CHCHD3: variants seen among roughly 807,000 people sequenced by gnomAD.
CHCHD3 encodes the protein MICOS complex subunit MIC19.
Under a neutral mutation model 38.2 loss-of-function variants are expected in CHCHD3, and 20 were observed. That is an observed-to-expected ratio of 0.52 (90% CI 0.37 to 0.76). CHCHD3 has a LOEUF of 0.76. Among genes scored for constraint, CHCHD3 ranks in the 30% least tolerant of loss-of-function variants. The pLI is 0.00. For missense variants in CHCHD3, 245 were observed against 279.2 expected, an observed-to-expected ratio of 0.88 and a Z score of 0.87; for synonymous variants, 82 against 100.0, an observed-to-expected ratio of 0.82 and a Z score of 1.07.
chr7:132,913,373 C>A (rs1004554147), intron 4 of CHCHD3, among the ~76,000 whole-genome samples: 1 of 152,064 alleles, frequency 6.6e-6, no homozygotes, highest in East Asian at 1.9e-4. Flanking sequence ...GGAAATTATG[C>A]CTCTGGAGTC....
chr7:132,982,847 T>C (rs1240240092), intron 3 of CHCHD3, among the ~76,000 whole-genome samples: 1 of 152,138 alleles, frequency 6.6e-6, no homozygotes, highest in Non-Finnish European at 1.5e-5. Flanking sequence ...GTGCATTTTT[T>C]TTTCAATAAA....
intron 2 of CHCHD3, among the ~76,000 whole-genome samples, chr7:133,061,745 A>G (rs1276199626): frequency 1.3e-5 from 2 of 152,226 alleles, no homozygotes; most frequent in South Asian, 2.1e-4. Context: ...ATTAAAACCC[A>G]TATTTCAATC....
chr7:133,067,299 T>A (rs759145629), intron 2 of CHCHD3, among the ~76,000 whole-genome samples: 3 of 152,232 alleles, frequency 2.0e-5, no homozygotes, highest in Non-Finnish European at 4.4e-5. Flanking sequence ...CAACAAATCA[T>A]ACTTTAGAAC....
At chr7:132,880,185 T>C (rs1809017303) in intron 5 of CHCHD3, among the ~76,000 whole-genome samples, 1 of 152,208 alleles carries the variant, frequency 6.6e-6, no homozygotes, top group Admixed American at 6.5e-5. Flanking sequence ...AAGTTGGTAC[T>C]AGACAGCAGC....
At chr7:133,034,382 AATATT>A (rs1813588878) in intron 2 of CHCHD3, among the ~76,000 whole-genome samples, 1 of 152,212 alleles carries the variant, frequency 6.6e-6, no homozygotes, top group South Asian at 2.1e-4. Context: ...TAAAGCATAT[AATATT>A]AAACTATCTA....
intron 3 of CHCHD3, among the ~76,000 whole-genome samples, chr7:133,011,448 A>T (rs757398898): frequency 1.3e-5 from 2 of 152,230 alleles, no homozygotes; most frequent in Non-Finnish European, 2.9e-5. Flanking sequence ...CCTCGGAGCT[A>T]TATCAACATT....
chr7:133,048,679 C>A lies in CHCHD3; in HGVS notation c.169+21463G>T, dbSNP rs576053528. ...AAGGGTAAGTGTAGGAAACTCCCCC[C>A]TAAAACAATTGAAAACCTCTCAGAT... On this transcript the variant is annotated intron_variant, in intron 2 of 7. Transcript: ENST00000262570. 5.3e-5 allele frequency among the ~76,000 whole-genome samples: 8 copies of A among 152,240 alleles called. 1 individual carries two copies. In the South Asian group the frequency reaches 1.7e-3, roughly 32 times the overall value.
chr7:132,886,911 C>G, intron 4 of CHCHD3: 2 of 1,072,112 alleles, frequency 1.9e-6, no homozygotes, highest in Non-Finnish European at 2.4e-6. Context: ...CCTGTCTACT[C>G]AACTATCTGC....
intron 4 of CHCHD3, among the ~76,000 whole-genome samples, chr7:132,934,121 A>ACTCAAACTT (rs1285781918): frequency 2.0e-5 from 3 of 152,128 alleles, no homozygotes; most frequent in Non-Finnish European, 4.4e-5. Flanking sequence ...GAGAACCACT[A>ACTCAAACTT]CTCAAACTTC....
chr7:132,950,239 C>T (rs1811005505), intron 4 of CHCHD3, among the ~76,000 whole-genome samples: 1 of 152,008 alleles, frequency 6.6e-6, no homozygotes, highest in African/African-American at 2.4e-5. Context: ...GTGACGGGAT[C>T]GACTACATGC....
At chr7:132,855,101 C>T (rs1383150317) in intron 5 of CHCHD3, among the ~76,000 whole-genome samples, 1 of 152,176 alleles carries the variant, frequency 6.6e-6, no homozygotes, top group African/African-American at 2.4e-5. Flanking sequence ...TGCTGGTGTT[C>T]CATAAGATAT....
chr7:133,006,596 A>G (rs1043767415), intron 3 of CHCHD3, among the ~76,000 whole-genome samples: 2 of 152,184 alleles, frequency 1.3e-5, no homozygotes, highest in Admixed American at 6.5e-5. Flanking sequence ...CTATGTTCCC[A>G]AAGTTTGCAA....
chr7:132,855,865 T>C (rs1042353569), intron 5 of CHCHD3, among the ~76,000 whole-genome samples: 3 of 16,176 alleles, frequency 1.9e-4, no homozygotes, highest in African/African-American at 6.7e-4. Flanking sequence ...CATATTTGTT[T>C]AAAAAAAAAA....
At chr7:132,925,409 T>C (rs1810350259) in intron 4 of CHCHD3, among the ~76,000 whole-genome samples, 1 of 152,186 alleles carries the variant, frequency 6.6e-6, no homozygotes, top group South Asian at 2.1e-4. Flanking sequence ...ACTACCACTT[T>C]CCAGCAAAGT....
intron 3 of CHCHD3, among the ~76,000 whole-genome samples, chr7:133,007,448 ATAAGC>A (rs1239514039): frequency 2.0e-5 from 3 of 152,186 alleles, no homozygotes; most frequent in African/African-American, 7.2e-5. Flanking sequence ...ACCTTTACTT[ATAAGC>A]TAGCTTTTCT....
intron 2 of CHCHD3, among the ~76,000 whole-genome samples, chr7:133,065,872 T>C (rs913466761): frequency 3.9e-5 from 6 of 152,198 alleles, no homozygotes; most frequent in South Asian, 2.1e-4. Flanking sequence ...CAAAATAGCA[T>C]GCCAAATTTT....
At chr7:133,014,671 TAA>T (rs34497795) in intron 3 of CHCHD3, among the ~76,000 whole-genome samples, 4 of 147,450 alleles carry the variant, frequency 2.7e-5, no homozygotes, top group African/African-American at 1.0e-4. Flanking sequence ...TCTTCCATTT[TAA>T]AAAAAAAAAA....
chr7:132,870,299 G>A (rs1562891080), intron 5 of CHCHD3, among the ~76,000 whole-genome samples: 1 of 144,408 alleles, frequency 6.9e-6, no homozygotes, highest in Non-Finnish European at 1.5e-5. Context: ...GCGGTGAACA[G>A]AGATCACGCC....
chr7:133,016,592 C>T (rs1813035999), intron 3 of CHCHD3, among the ~76,000 whole-genome samples: 1 of 152,120 alleles, frequency 6.6e-6, no homozygotes, highest in African/African-American at 2.4e-5. Context: ...GAACAGGAAA[C>T]GGTGCCAATG....
Sources: allele counts gnomAD v4.1 joint callset (sites outside exome capture counted in the v4.1 genomes callset), GRCh38; gene constraint gnomAD v4.1.1; transcripts MANE v1.5; gene names NCBI Gene and HGNC (gene_info 2026-07-23, HGNC 2026-07-21).